Variants in ANXA4 observed in about 807,000 individuals in gnomAD.
ANXA4 encodes the protein 35-beta calcimedin.
In ANXA4, 39 loss-of-function variants were observed where a neutral mutation model predicts 49.8. The ratio of observed to expected loss-of-function variants is 0.78; its 90% CI spans 0.61 to 1.02. The LOEUF (loss-of-function observed/expected upper bound fraction) is 1.02, where lower values mean the gene tolerates loss of function less well. ANXA4 is among the 50% of genes least tolerant of loss of function. The pLI, the probability that ANXA4 is intolerant of heterozygous loss-of-function variation, is 0.00. For missense variants in ANXA4, 360 were observed against 410.1 expected, an observed-to-expected ratio of 0.88 and a Z score of 1.05; for synonymous variants, 134 against 152.5, an observed-to-expected ratio of 0.88 and a Z score of 0.89.
At chr2:69,692,406 T>G (rs570689175) in intron 2 of ANXA4, among the ~76,000 whole-genome samples, 35 of 152,386 alleles carry the variant, frequency 2.3e-4, no homozygotes, top group African/African-American at 8.2e-4. Flanking sequence ...GTGCACTTGG[T>G]TTGGAATTCC....
chr2:69,752,000 A>G (rs1670863573), intron 1 of ANXA4, among the ~76,000 whole-genome samples: 1 of 152,238 alleles, frequency 6.6e-6, no homozygotes, highest in South Asian at 2.1e-4. Context: ...AATTTGATAT[A>G]TATGTGCAGA....
At chr2:69,821,515 G>C (rs1674242324) in intron 12 of ANXA4, among the ~76,000 whole-genome samples, 1 of 152,054 alleles carries the variant, frequency 6.6e-6, no homozygotes, top group Non-Finnish European at 1.5e-5. Flanking sequence ...TGTCGCCCAG[G>C]CTGGAGTGTA....
At chr2:69,743,805 G>T (rs1392094572) in intron 1 of ANXA4, among the ~76,000 whole-genome samples, 1 of 152,142 alleles carries the variant, frequency 6.6e-6, no homozygotes, top group Non-Finnish European at 1.5e-5. Flanking sequence ...AGATGTTCTT[G>T]CATTTGGTTA....
At chr2:69,795,286 C>T (rs1239631091) in intron 3 of ANXA4, among the ~76,000 whole-genome samples, 3 of 151,972 alleles carry the variant, frequency 2.0e-5, no homozygotes, top group East Asian at 3.9e-4. Context: ...GTGGTCTGGC[C>T]GGAGGGATCC....
intron 2 of ANXA4, among the ~76,000 whole-genome samples, chr2:69,719,260 CTTTTTTTT>C (rs1192269262): frequency 6.0e-5 from 4 of 66,548 alleles, no homozygotes; most frequent in Non-Finnish European, 1.0e-4. Flanking sequence ...ATTTTCCAGT[CTTTTTTTT>C]TTTTTTTTTT....
intron 1 of ANXA4, among the ~76,000 whole-genome samples, chr2:69,780,612 C>T (rs12476014): frequency 0.055 from 8,366 of 152,148 alleles, 710 homozygotes; most frequent in Admixed American, 0.21. Context: ...CCAGGTGGTT[C>T]GCACCTGTAG....
At chr2:69,741,763 G>C (rs932602210), upstream of ANXA4, among the ~76,000 whole-genome samples, 1 of 152,250 alleles carries the variant, frequency 6.6e-6, no homozygotes, top group Non-Finnish European at 1.5e-5. Flanking sequence ...GCCCGGGCTC[G>C]GCCCTCCGAG....
At chr2:69,807,689 A>G (rs1673504053) in intron 5 of ANXA4, among the ~76,000 whole-genome samples, 2 of 152,244 alleles carry the variant, frequency 1.3e-5, no homozygotes, top group African/African-American at 4.8e-5. Context: ...TAACGAACAC[A>G]TAATAAACAG....
intron 3 of ANXA4, among the ~76,000 whole-genome samples, chr2:69,800,706 G>C (rs1026558304): frequency 2.0e-5 from 3 of 152,170 alleles, no homozygotes; most frequent in African/African-American, 7.2e-5. Flanking sequence ...GGTGTTTCAG[G>C]TGAATGGAAT....
chr2:69,777,568 G>A (rs1672010674), intron 1 of ANXA4, among the ~76,000 whole-genome samples: 1 of 152,204 alleles, frequency 6.6e-6, no homozygotes, highest in Non-Finnish European at 1.5e-5. Flanking sequence ...GAGAACAGGT[G>A]TATATCCCTT....
At chr2:69,694,343 C>T (rs1165835632) in intron 2 of ANXA4, among the ~76,000 whole-genome samples, 1 of 151,474 alleles carries the variant, frequency 6.6e-6, no homozygotes, top group East Asian at 1.9e-4. Context: ...GACTTTGATC[C>T]AGAACAGTAA....
intron 3 of ANXA4, among the ~76,000 whole-genome samples, chr2:69,730,080 A>C (rs1472950): frequency 0.57 from 87,236 of 152,056 alleles, 25,969 homozygotes; most frequent in African/African-American, 0.71. Context: ...TGGCACACAC[A>C]TGTAATCTCA....
At chr2:69,783,334 G>A (rs1037326086) in intron 2 of ANXA4, among the ~76,000 whole-genome samples, 1 of 152,040 alleles carries the variant, frequency 6.6e-6, no homozygotes, top group African/African-American at 2.4e-5. Flanking sequence ...CCCTGCCTCA[G>A]CCTCCTGAGT....
intron 2 of ANXA4, among the ~76,000 whole-genome samples, chr2:69,717,232 G>A (rs1028906958): frequency 2.0e-5 from 3 of 152,136 alleles, no homozygotes; most frequent in Non-Finnish European, 4.4e-5. Flanking sequence ...CATTTTGTTT[G>A]GCTTGTTGGT....
intron 3 of ANXA4, among the ~76,000 whole-genome samples, chr2:69,727,878 C>T (rs1670001268): frequency 6.6e-6 from 1 of 152,174 alleles, no homozygotes; most frequent in Non-Finnish European, 1.5e-5. Context: ...CTTGCCATGT[C>T]TCCTTAAGTC....
chr2:69,812,748 T>G (rs1673762949), intron 8 of ANXA4, 39 bp downstream of exon 8: 1 of 1,599,284 alleles, frequency 6.3e-7, no homozygotes, highest in South Asian at 1.1e-5. Flanking sequence ...AGCTTTCTTC[T>G]CTTTCGCCAA....
intron 2 of ANXA4, among the ~76,000 whole-genome samples, chr2:69,684,685 C>CA (rs199639261): frequency 0.042 from 3,362 of 79,726 alleles, 123 homozygotes; most frequent in African/African-American, 0.14. Flanking sequence ...AAGACTGTCT[C>CA]AAAAAAAAAA....
At chr2:69,675,353 G>A (rs184354752) in intron 2 of ANXA4, among the ~76,000 whole-genome samples, 7 of 152,190 alleles carry the variant, frequency 4.6e-5, no homozygotes, top group Admixed American at 3.9e-4. Flanking sequence ...AAATAAAATG[G>A]CATGTGAGTC....
intron 3 of ANXA4, among the ~76,000 whole-genome samples, chr2:69,729,640 G>A (rs778075145): frequency 1.2e-4 from 19 of 152,218 alleles, no homozygotes; most frequent in South Asian, 4.1e-4. Context: ...TGCTATTCTC[G>A]GGAAATCCCA....
Sources: allele counts gnomAD v4.1 joint callset (sites outside exome capture counted in the v4.1 genomes callset), GRCh38; gene constraint gnomAD v4.1.1; transcripts MANE v1.5; gene names NCBI Gene and HGNC (gene_info 2026-07-23, HGNC 2026-07-21).